The following LRRTM4 variants were observed in gnomAD, a reference collection of about 807,000 sequenced individuals.
LRRTM4 encodes leucine rich repeat transmembrane neuronal 4, also known as leucine-rich repeat transmembrane neuronal protein 4.
LRRTM4 carries 25 observed loss-of-function variants against 47.6 expected under a neutral mutation model. The observed-to-expected ratio is 0.53, with a 90% CI of 0.38 to 0.73. The LOEUF is 0.73. Among genes scored for constraint, LRRTM4 ranks in the 30% least tolerant of loss-of-function variants. The pLI, the probability that LRRTM4 is intolerant of heterozygous loss-of-function variation, is 0.00. For synonymous variants in LRRTM4, 311 were observed against 269.5 expected (o/e 1.15, Z -1.51); for missense variants, 638 against 713.4 (o/e 0.89, Z 1.20).
chr2:76,955,012 A>T (rs1178127875), intron 3 of LRRTM4, among the ~76,000 whole-genome samples: 1 of 151,776 alleles, frequency 6.6e-6, no homozygotes, highest in African/African-American at 2.4e-5. Flanking sequence ...GGAAACAAAG[A>T]CTTTTCCAGG....
rs78319999 is a variant in LRRTM4 at position 77,153,287 on chromosome 2, G to C, written c.1551+365031C>G. Among the ~76,000 whole-genome samples, 915 of 152,254 alleles carry C rather than the reference G, an allele frequency of 6.0e-3. 13 individuals carry two copies. Among genetic ancestry groups the C allele is most frequent in the African/African-American group, 0.021 (855 of 41,552 alleles). Reference sequence around the variant, plus strand: ...ACTGTGTTGTCTGTAGATGTGAGGAGAATGCTTTCCTGCCCACGTTTTCTG... The same window carrying C: ...ACTGTGTTGTCTGTAGATGTGAGGACAATGCTTTCCTGCCCACGTTTTCTG... On this transcript the variant is annotated intron_variant, in intron 3 of 3. Transcript: ENST00000409884.
Position 76,974,840 on chromosome 2 carries a change from CT to C in LRRTM4, c.1552-225925del, listed in dbSNP as rs948837138. On this transcript the variant is annotated intron_variant, in intron 3 of 3. Coordinates refer to ENST00000409884, the MANE Select transcript of LRRTM4 (RefSeq NM_001134745.3). ...TTTTGTCTTTTCAAACCATTTTACT[CT>C]TTTTTTTAATTGGAGGAAATCACAT... Among the ~76,000 whole-genome samples the C allele has an allele frequency of 7.3e-5, 11 of 151,476 alleles. No individual in the cohort carries two copies. The South Asian group carries it at 1.5e-3, about 20-fold the overall frequency.
chr2:77,124,739 G>A (rs1053311720), intron 3 of LRRTM4, among the ~76,000 whole-genome samples: 3 of 152,114 alleles, frequency 2.0e-5, no homozygotes, highest in Admixed American at 1.3e-4. Context: ...TGTGCGTCGC[G>A]TGTTTTCCAG....
At chr2:77,285,157 C>T (rs561245350) in intron 3 of LRRTM4, among the ~76,000 whole-genome samples, 3 of 151,512 alleles carry the variant, frequency 2.0e-5, no homozygotes, top group Non-Finnish European at 2.9e-5. Context: ...TTTTCCTGCT[C>T]TTTCATTTTC....
chr2:77,138,252 C>G (rs1028960685), intron 3 of LRRTM4, among the ~76,000 whole-genome samples: 8 of 152,080 alleles, frequency 5.3e-5, no homozygotes, highest in Non-Finnish European at 7.4e-5. Context: ...TGTAAAAGAA[C>G]AGAAATTATA....
In LRRTM4 at chr2:76,987,069, T is replaced by C. The variant is rs114471761; in HGVS notation, c.1552-238153A>G. On this transcript the variant is annotated intron_variant, in intron 3 of 3. Transcript: ENST00000409884. Reference sequence around the variant, plus strand: ...AGCGTGAAAAAAATAAAATCTGGAGTATTTTCGAAGAATGATATGGGTTAG... The same window carrying C: ...AGCGTGAAAAAAATAAAATCTGGAGCATTTTCGAAGAATGATATGGGTTAG... Among the ~76,000 whole-genome samples, 1,191 of 152,034 alleles carry C rather than the reference T, an allele frequency of 7.8e-3. 19 individuals are homozygous for C. Among genetic ancestry groups the C allele is most frequent in the African/African-American group, 0.027 (1,139 of 41,534 alleles).
intron 3 of LRRTM4, among the ~76,000 whole-genome samples, chr2:77,376,089 T>C (rs763380363): frequency 1.3e-5 from 2 of 151,892 alleles, no homozygotes; most frequent in Non-Finnish European, 2.9e-5. Flanking sequence ...TAGCTTTCTC[T>C]GAAAGAAAGG....
intron 3 of LRRTM4, among the ~76,000 whole-genome samples, chr2:77,067,721 AT>A (rs1452482463): frequency 3.3e-5 from 5 of 151,288 alleles, no homozygotes; most frequent in African/African-American, 1.2e-4. Flanking sequence ...ACACACATAC[AT>A]ATTTCAGGAA....
intron 3 of LRRTM4, among the ~76,000 whole-genome samples, chr2:76,940,895 T>C (rs558687949): frequency 9.1e-4 from 139 of 152,304 alleles, no homozygotes; most frequent in Middle Eastern, 6.8e-3. Context: ...CTTTGTTTTG[T>C]TGACTACAAG....
chr2:76,799,577 A>G (rs1032986863), intron 3 of LRRTM4, among the ~76,000 whole-genome samples: 1 of 142,080 alleles, frequency 7.0e-6, no homozygotes, highest in Admixed American at 7.0e-5. Flanking sequence ...CTCCTATTCA[A>G]CATAGTGTTG....
intron 3 of LRRTM4, among the ~76,000 whole-genome samples, chr2:76,931,988 T>C (rs1339556598): frequency 6.6e-6 from 1 of 152,146 alleles, no homozygotes; most frequent in Non-Finnish European, 1.5e-5. Flanking sequence ...AAAATGTATT[T>C]CCACAAGATA....
At chr2:77,143,505 G>A (rs1291761984) in intron 3 of LRRTM4, among the ~76,000 whole-genome samples, 2 of 152,016 alleles carry the variant, frequency 1.3e-5, no homozygotes, top group African/African-American at 2.4e-5. Context: ...ATATATTAGG[G>A]AATCTGTTTC....
chr2:77,165,601 C>G (rs1486297487), intron 3 of LRRTM4, among the ~76,000 whole-genome samples: 1 of 152,156 alleles, frequency 6.6e-6, no homozygotes, highest in Non-Finnish European at 1.5e-5. Flanking sequence ...CATCGAAAAG[C>G]TTATCCACCA....
chr2:77,070,410 A>C (rs3910998), intron 3 of LRRTM4, among the ~76,000 whole-genome samples: 43,481 of 151,482 alleles, frequency 0.29, 7,088 homozygotes, highest in African/African-American at 0.46. Context: ...CACTCTCTCT[A>C]TATATATATT....
chr2:77,223,216 A>G (rs979739794), intron 3 of LRRTM4, among the ~76,000 whole-genome samples: 9 of 152,162 alleles, frequency 5.9e-5, no homozygotes, highest in Admixed American at 3.3e-4. Flanking sequence ...TCTCAAAAAT[A>G]TAAGAGTTAT....
rs200972767 is a variant in LRRTM4 at position 77,284,007 on chromosome 2, GT to G, written c.1551+234310del. On this transcript the variant is annotated intron_variant, in intron 3 of 3. Coordinates refer to ENST00000409884, the MANE Select transcript of LRRTM4 (RefSeq NM_001134745.3). ...GAAAAAAGTTTGAAGGCACAAATAA[GT>G]AAATAAATAGGAAACAAATAGAGCA... is the stretch of plus-strand genomic sequence containing the variant. Among the ~76,000 whole-genome samples the G allele has an allele frequency of 9.7e-3, 1,478 of 152,082 alleles. 28 individuals carry two copies. The highest frequency in any genetic ancestry group is 0.033 in the African/African-American group (1,373 of 41,520).
intron 3 of LRRTM4, among the ~76,000 whole-genome samples, chr2:77,332,158 A>T (rs1009532334): frequency 2.6e-4 from 39 of 152,286 alleles, no homozygotes; most frequent in African/African-American, 8.7e-4. Flanking sequence ...TGCAAGGTAA[A>T]CTTCTTCAAA....
chr2:77,031,029 C>G (rs1464388782), intron 3 of LRRTM4, among the ~76,000 whole-genome samples: 1 of 152,120 alleles, frequency 6.6e-6, no homozygotes, highest in Non-Finnish European at 1.5e-5. Flanking sequence ...TGTGAATAAA[C>G]TGTAAATATT....
chr2:77,168,944 G>T (rs1179545599), intron 3 of LRRTM4, among the ~76,000 whole-genome samples: 2 of 151,986 alleles, frequency 1.3e-5, no homozygotes, highest in African/African-American at 4.8e-5. Context: ...TAATATATAT[G>T]ATATATCCTA....
Sources: allele counts gnomAD v4.1 joint callset (sites outside exome capture counted in the v4.1 genomes callset), GRCh38; gene constraint gnomAD v4.1.1; transcripts MANE v1.5; gene names NCBI Gene and HGNC (gene_info 2026-07-23, HGNC 2026-07-21).